Variants in CADM2 observed in about 807,000 individuals in gnomAD.
CADM2 encodes immunoglobulin superfamily member 4D.
In CADM2, 12 loss-of-function variants were observed where a neutral mutation model predicts 49.8. That is an observed-to-expected ratio of 0.24 (90% CI 0.15 to 0.39). The LOEUF (loss-of-function observed/expected upper bound fraction) is 0.39. CADM2 is among the 10% of genes least tolerant of loss of function. The pLI is 1.00. For synonymous variants in CADM2, 214 were observed against 175.4 expected (o/e 1.22, Z -1.74); for missense variants, 378 against 492.3 (o/e 0.77, Z 2.20).
chr3:85,177,440 A>G (rs1381420976), intron 1 of CADM2, among the ~76,000 whole-genome samples: 1 of 152,082 alleles, frequency 6.6e-6, no homozygotes, highest in East Asian at 1.9e-4. Context: ...ATAAGTTTAC[A>G]CTTTTATAGC....
intron 2 of CADM2, among the ~76,000 whole-genome samples, chr3:85,757,624 C>T (rs2069184234): frequency 6.6e-6 from 1 of 152,078 alleles, no homozygotes; most frequent in Non-Finnish European, 1.5e-5. Flanking sequence ...GAGCCAGATA[C>T]TGAAGGGATG....
intron 1 of CADM2, among the ~76,000 whole-genome samples, chr3:85,122,176 C>T (rs1020821717): frequency 5.9e-5 from 9 of 152,010 alleles, no homozygotes; most frequent in Non-Finnish European, 1.2e-4. Flanking sequence ...AATAAAAAGC[C>T]TTTTATTAAC....
chr3:85,671,222 C>T (rs1487093615), intron 1 of CADM2, among the ~76,000 whole-genome samples: 1 of 152,162 alleles, frequency 6.6e-6, no homozygotes, highest in African/African-American at 2.4e-5. Flanking sequence ...TCACTTGGAG[C>T]AACACAAATG....
intron 1 of CADM2, among the ~76,000 whole-genome samples, chr3:85,076,955 G>GCCTGGGCACC (rs1216003296): frequency 6.6e-6 from 1 of 152,162 alleles, no homozygotes; most frequent in East Asian, 1.9e-4. Context: ...CTGGGCACCA[G>GCCTGGGCACC]AGAGAGACTC....
intron 1 of CADM2, among the ~76,000 whole-genome samples, chr3:85,461,312 C>T (rs1248719692): frequency 1.3e-5 from 2 of 152,040 alleles, no homozygotes; most frequent in African/African-American, 4.8e-5. Flanking sequence ...AAGTCAGCAA[C>T]TTCAGCTAAA....
intron 8 of CADM2, among the ~76,000 whole-genome samples, chr3:86,007,942 A>G (rs1484159038): frequency 6.6e-6 from 1 of 152,182 alleles, no homozygotes; most frequent in Admixed American, 6.5e-5. Context: ...TTAATCTCAA[A>G]CAGATCAAAA....
chr3:85,535,393 T>C (rs1007315989), intron 1 of CADM2, among the ~76,000 whole-genome samples: 6 of 152,150 alleles, frequency 3.9e-5, no homozygotes, highest in African/African-American at 1.4e-4. Flanking sequence ...TAACAGACTC[T>C]TAATAATAAA....
chr3:85,144,777 G>A (rs1299243308), intron 1 of CADM2, among the ~76,000 whole-genome samples: 1 of 152,082 alleles, frequency 6.6e-6, no homozygotes, highest in African/African-American at 2.4e-5. Flanking sequence ...TGTATTTTAA[G>A]TGATTTGAAA....
At chr3:86,041,101 C>A (rs1276886120) in intron 8 of CADM2, among the ~76,000 whole-genome samples, 3 of 152,164 alleles carry the variant, frequency 2.0e-5, no homozygotes, top group African/African-American at 7.2e-5. Flanking sequence ...TGGAAAGGAA[C>A]AACCGGTACC....
intron 8 of CADM2, among the ~76,000 whole-genome samples, chr3:85,978,433 G>A (rs961387232): frequency 1.3e-5 from 2 of 151,594 alleles, no homozygotes; most frequent in Non-Finnish European, 3.0e-5. Flanking sequence ...TAGGTATGCC[G>A]TATTAAAATA....
chr3:85,570,514 AG>A (rs923325369), intron 1 of CADM2, among the ~76,000 whole-genome samples: 2 of 152,156 alleles, frequency 1.3e-5, no homozygotes, highest in Non-Finnish European at 2.9e-5. Flanking sequence ...GAACAATTAA[AG>A]TCTATATTGT....
chr3:85,491,795 C>CA lies in CADM2; in HGVS notation c.62-234719dup, dbSNP rs552873196. Among the ~76,000 whole-genome samples, 901 of 151,348 alleles carry CA rather than the reference C, an allele frequency of 6.0e-3. 2 individuals are homozygous for CA. The highest frequency in any genetic ancestry group is 0.01 in the Admixed American group (154 of 15,196). On this transcript the variant is annotated intron_variant, in intron 1 of 9. Coordinates refer to ENST00000383699, the MANE Select transcript of CADM2 (RefSeq NM_001167675.2). ...TGAAACCCCATCTCTACTAAAAATACAAAAAAAATAGCCGGGTGTGGTGGC... is the reference window on the plus strand; with the variant it reads ...TGAAACCCCATCTCTACTAAAAATACAAAAAAAAATAGCCGGGTGTGGTGGC...
intron 1 of CADM2, among the ~76,000 whole-genome samples, chr3:85,073,561 A>C (rs73843277): frequency 0.05 from 7,563 of 152,178 alleles, 228 homozygotes; most frequent in African/African-American, 0.069. Context: ...AGAAAAAGAC[A>C]ATTTTCTTAC....
chr3:85,828,195 T>A (rs1215163961), intron 3 of CADM2: 1 of 151,888 alleles, frequency 6.6e-6, no homozygotes, highest in East Asian at 1.9e-4. Context: ...TGGCAGAGAT[T>A]TTAAAGGGCA....
chr3:85,406,444 G>A (rs991821486), intron 1 of CADM2, among the ~76,000 whole-genome samples: 2 of 152,118 alleles, frequency 1.3e-5, no homozygotes, highest in African/African-American at 4.8e-5. Flanking sequence ...TAGTATGAAA[G>A]TTTTTAAATC....
At chr3:85,296,952 T>C (rs1298608056) in intron 1 of CADM2, among the ~76,000 whole-genome samples, 2 of 152,108 alleles carry the variant, frequency 1.3e-5, no homozygotes, top group African/African-American at 4.8e-5. Context: ...TTATATTTTA[T>C]TGGGTTCTTT....
chr3:85,438,499 G>T (rs2037037264), intron 1 of CADM2, among the ~76,000 whole-genome samples: 2 of 152,152 alleles, frequency 1.3e-5, no homozygotes, highest in South Asian at 4.1e-4. Flanking sequence ...TTTCACTCCT[G>T]TACAATTTCT....
chr3:84,996,417 A>G (rs1050501680), intron 1 of CADM2, among the ~76,000 whole-genome samples: 1 of 152,104 alleles, frequency 6.6e-6, no homozygotes, highest in Non-Finnish European at 1.5e-5. Context: ...GAATTTTATT[A>G]TGGTGTATAC....
chr3:85,072,241 A>G (rs1223132138), intron 1 of CADM2, among the ~76,000 whole-genome samples: 1 of 152,058 alleles, frequency 6.6e-6, no homozygotes, highest in Non-Finnish European at 1.5e-5. Context: ...TGAAAGTGGA[A>G]CAAGTTTTAA....
Sources: allele counts gnomAD v4.1 joint callset (sites outside exome capture counted in the v4.1 genomes callset), GRCh38; gene constraint gnomAD v4.1.1; transcripts MANE v1.5; gene names NCBI Gene and HGNC (gene_info 2026-07-23, HGNC 2026-07-21).